SCNN1A: variants seen among roughly 807,000 people sequenced by gnomAD.
SCNN1A encodes the protein sodium channel epithelial 1 subunit alpha.
In SCNN1A, 65 loss-of-function variants were observed where a neutral mutation model predicts 68.6. The observed-to-expected ratio is 0.95, with a 90% confidence interval of 0.78 to 1.16. The LOEUF is 1.16. Among genes scored for constraint, SCNN1A ranks in the 50% most tolerant of loss-of-function variants. The probability of loss-of-function intolerance (pLI) is 0.00; values close to 1 mark genes in which losing one functional copy is unlikely to be tolerated. For synonymous variants in SCNN1A, 357 were observed against 353.3 expected (o/e 1.01, Z -0.12); for missense variants, 880 against 865.9 (o/e 1.02, Z -0.20).
chr12:6,351,947 C>T lies in SCNN1A; in HGVS notation c.1360+2491G>A, dbSNP rs1454804570. ...GCTAATTTTTGTAAAGACAGGGTTT[C>T]GCCACGTTGCCCAGGCTGGTGTCGA... On this transcript the variant is annotated intron_variant, in intron 8 of 12. Transcript: ENST00000228916. This position sits in a 1 kb window ranked among gnomAD's most constrained non-coding sequence, Gnocchi z 4.2. Among the ~76,000 whole-genome samples the T allele has an allele frequency of 2.0e-5, 3 of 152,094 alleles. No homozygotes were observed. Among genetic ancestry groups the T allele is most frequent in the East Asian group, 1.9e-4 (1 of 5,148 alleles).
chr12:6,365,445 CTTTAGTA>C (rs1948660139), intron 2 of SCNN1A, among the ~76,000 whole-genome samples: 1 of 152,220 alleles, frequency 6.6e-6, no homozygotes, highest in South Asian at 2.1e-4. Flanking sequence ...TTCCTCCTGA[CTTTAGTA>C]TTTACTATAA....
At chr12:6,350,260 G>A (rs1404712154) in intron 8 of SCNN1A, among the ~76,000 whole-genome samples, 4 of 148,724 alleles carry the variant, frequency 2.7e-5, no homozygotes, top group African/African-American at 4.9e-5. Context: ...GTGAAACCCC[G>A]TCTCTACTAA....
At chr12:6,358,859 C>CAAAAA (rs35673511) in intron 4 of SCNN1A, among the ~76,000 whole-genome samples, 1 of 83,604 alleles carries the variant, frequency 1.2e-5, no homozygotes, top group African/African-American at 3.7e-5. Flanking sequence ...GAACCTGTCT[C>CAAAAA]AAAAAAAAAA....
chr12:6,364,035 T>G, intron 2 of SCNN1A: 1 of 222,888 alleles, frequency 4.5e-6, no homozygotes, highest in Non-Finnish European at 8.8e-6. Flanking sequence ...TGTCTGCCCT[T>G]TCCCAAAGAG....
chr12:6,361,994 G>A, intron 4 of SCNN1A, 57 bp downstream of exon 4: 1 of 1,577,134 alleles, frequency 6.3e-7, no homozygotes. Flanking sequence ...AGGGCGTGAG[G>A]CTGACCCAGG....
intron 2 of SCNN1A, among the ~76,000 whole-genome samples, chr12:6,367,651 G>GT (rs1948703134): frequency 6.6e-6 from 1 of 152,214 alleles, no homozygotes; most frequent in African/African-American, 2.4e-5. Context: ...GGGGCACCGG[G>GT]TAATGGGAGT....
At chr12:6,361,060 A>G (rs1448770026) in intron 4 of SCNN1A, among the ~76,000 whole-genome samples, 1 of 152,238 alleles carries the variant, frequency 6.6e-6, no homozygotes, top group African/African-American at 2.4e-5. Flanking sequence ...TGTTATCGTC[A>G]TCATCTTCGT....
Position 6,354,833 on chromosome 12 carries a change from G to C in SCNN1A, c.1159C>G (p.Leu387Val). 3 of 1,613,882 alleles carry C rather than the reference G, an allele frequency of 1.9e-6. No homozygotes were observed. The South Asian group carries it at 3.3e-5, about 18-fold the overall frequency. ...GTGCAGTCGCCATAATCGCCCCCAAGTCTGTCCAGGGTTTCCTATGAACCC... is the reference window on the plus strand; with the variant it reads ...GTGCAGTCGCCATAATCGCCCCCAACTCTGTCCAGGGTTTCCTATGAACCC... ...ISMRKETLDR[L>V]GGDYGDCTKN... Residue 387 changes from leucine to valine, a missense_variant, in exon 7 of 13, where the codon CTT becomes GTT. This residue lies in a region of SCNN1A where 758 missense variants were observed against 721.8 expected (regional missense o/e 1.05). Transcript: ENST00000228916.
chr12:6,354,091 C>T (rs192729626), intron 8 of SCNN1A, among the ~76,000 whole-genome samples: 13 of 151,578 alleles, frequency 8.6e-5, no homozygotes, highest in Non-Finnish European at 1.6e-4. Context: ...ATTAGCTGGG[C>T]GTGGTGGCGG....
intron 8 of SCNN1A, chr12:6,353,583 A>T (rs1948427131): frequency 6.7e-6 from 1 of 149,258 alleles, no homozygotes. Context: ...ATTTTTATTT[A>T]TTTATTTTAT....
chr12:6,349,455 T>G, intron 8 of SCNN1A, 50 bp from the exon 9 acceptor site: 3 of 1,358,828 alleles, frequency 2.2e-6, no homozygotes, highest in Non-Finnish European at 3.1e-6. Flanking sequence ...CAGCTTTCTC[T>G]ACCCCACACC....
intron 4 of SCNN1A, 33 bp downstream of exon 4, chr12:6,362,018 C>T (rs375490506): frequency 2.5e-5 from 40 of 1,611,066 alleles, no homozygotes; most frequent in African/African-American, 1.2e-4. Flanking sequence ...GCGGACCCCG[C>T]GGAGAGCAAG....
In SCNN1A at chr12:6,374,068, C is replaced by T. The variant is rs145942912; in HGVS notation, c.416+300G>A. On this transcript the variant is annotated intron_variant, in intron 2 of 12. Transcript: ENST00000228916. The surrounding 1 kb of genome is among the most constrained non-coding windows in gnomAD (Gnocchi z 6.2). ...CCCTGCCCTTTTGCAAGCACTCCCTCCCACTTGCAGGAGGGAGAAGGGAAT... is the reference window on the plus strand; with the variant it reads ...CCCTGCCCTTTTGCAAGCACTCCCTTCCACTTGCAGGAGGGAGAAGGGAAT... Among the ~76,000 whole-genome samples, 102 of 152,286 alleles carry T rather than the reference C, an allele frequency of 6.7e-4. No homozygotes were observed. Among genetic ancestry groups the T allele is most frequent in the African/African-American group, 2.1e-3 (86 of 41,568 alleles).
upstream of SCNN1A, chr12:6,377,131 C>CA: frequency 1.4e-6 from 1 of 697,426 alleles, no homozygotes; most frequent in South Asian, 2.0e-5. Context: ...AGAGAAAAGG[C>CA]AGTACTCCAG....
In SCNN1A at chr12:6,348,797, C is replaced by G. The variant is rs72657550; in HGVS notation, c.1559G>C (p.Gly520Ala). 732 of 1,613,744 alleles carry G rather than the reference C, an allele frequency of 4.5e-4. No homozygotes were observed. The highest frequency in any genetic ancestry group is 5.8e-4 in the Non-Finnish European group (682 of 1,179,902). ...GAAGAAGATGTTGACTTTGGCCACTCCATTTCTTAGGTGTGGGGCAGAGGG... is the reference window on the plus strand; with the variant it reads ...GAAGAAGATGTTGACTTTGGCCACTGCATTTCTTAGGTGTGGGGCAGAGGG... Reference protein sequence around the residue: ...NNYTVNNKRNGVAKVNIFFKE... With the variant: ...NNYTVNNKRNAVAKVNIFFKE... Residue 520 changes from glycine to alanine, a missense_variant, in exon 12 of 13, where the codon GGA becomes GCA. Physicochemically the swap from Gly to Ala is moderately conservative, Grantham distance 60. Transcript: ENST00000228916.
chr12:6,375,361 G>A lies in SCNN1A; in HGVS notation c.-55+144C>T, dbSNP rs1304052754. ...CAGCCTCTGGCCCTGACCTCGAGCTGTGTCCTGATTCTGTCTCTGCCCCAG... is the reference window on the plus strand; with the variant it reads ...CAGCCTCTGGCCCTGACCTCGAGCTATGTCCTGATTCTGTCTCTGCCCCAG... On this transcript the variant is annotated intron_variant, in intron 1 of 12. Transcript: ENST00000228916. 3.4e-6 allele frequency: 5 copies of A among 1,457,088 alleles called. No homozygotes were observed. The South Asian group carries it at 5.7e-5, about 17-fold the overall frequency. The allele number at this position is 1,457,088 out of a possible 1,614,324, so 90.3% of individuals were successfully genotyped here. A position where few individuals can be genotyped will look rare whatever the true frequency, so the allele number is the denominator to read the frequency against.
Position 6,355,455 on chromosome 12 carries a change from A to G in SCNN1A, c.980-20T>C, listed in dbSNP as rs776466395. ...ACAGACCTAGGGGTGCAGAGAGAGCAGAGTTGGCAGAGGCGGGAATCCTAG... is the reference window on the plus strand; with the variant it reads ...ACAGACCTAGGGGTGCAGAGAGAGCGGAGTTGGCAGAGGCGGGAATCCTAG... On this transcript the variant is annotated intron_variant, in intron 5 of 12. Coordinates refer to ENST00000228916, the MANE Select transcript of SCNN1A (RefSeq NM_001038.6). The G allele has an allele frequency of 6.2e-7, 1 of 1,613,164 alleles. No individual in the cohort carries two copies. Among genetic ancestry groups the G allele is most frequent in the Non-Finnish European group, 8.5e-7 (1 of 1,179,674 alleles).
upstream of SCNN1A, chr12:6,375,680 G>A: frequency 6.8e-7 from 1 of 1,460,986 alleles, no homozygotes; most frequent in Non-Finnish European, 9.0e-7. Flanking sequence ...CAGGTGAACT[G>A]GGAGTACTGG....
intron 4 of SCNN1A, among the ~76,000 whole-genome samples, chr12:6,356,758 A>G (rs1295109151): frequency 1.3e-5 from 2 of 152,132 alleles, no homozygotes; most frequent in Non-Finnish European, 1.5e-5. Context: ...CACAGAGAGG[A>G]TCTGTGTTCT....
Sources: gnomAD v4.1 joint callset for allele counts (sites outside exome capture counted in the v4.1 genomes callset) on GRCh38, gnomAD v4.1.1 for gene constraint, gnomAD v4.1.1 regional missense constraint, Gnocchi (gnomAD v3.1) non-coding constraint, MANE v1.5 for transcripts, NCBI Gene and HGNC (gene_info 2026-07-23, HGNC 2026-07-21) for gene names.